Variants in MED15 observed in about 807,000 individuals in gnomAD.
MED15 encodes mediator complex subunit 15.
Under a neutral mutation model 118.7 loss-of-function variants are expected in MED15, and 41 were observed. The ratio of observed to expected loss-of-function variants is 0.35; its 90% CI spans 0.27 to 0.45. The LOEUF is 0.45. Among genes scored for constraint, MED15 ranks in the 20% least tolerant of loss-of-function variants. The pLI is 1.00. For missense variants in MED15, 740 were observed against 1,025.5 expected, an observed-to-expected ratio of 0.72 and a Z score of 3.80; for synonymous variants, 436 against 413.9, an observed-to-expected ratio of 1.05 and a Z score of -0.65.
intron 1 of MED15, among the ~76,000 whole-genome samples, chr22:20,533,636 G>A (rs1469264829): frequency 6.6e-6 from 1 of 152,150 alleles, no homozygotes; most frequent in East Asian, 1.9e-4. Context: ...AGCTCATGTG[G>A]AACTGGACAT....
chr22:20,564,674 C>G lies in MED15; in HGVS notation c.676C>G (p.Gln226Glu). Reference sequence around the variant, plus strand: ...GCAGCATCTAATTAAATTGCATCATCAAAATCAGCAACAGGTACCAGGTCC... The same window carrying G: ...GCAGCATCTAATTAAATTGCATCATGAAAATCAGCAACAGGTACCAGGTCC... ...QQQHLIKLHHQNQQQIQQQQQ... is the reference protein window; with the variant it reads ...QQQHLIKLHHENQQQIQQQQQ... Residue 226 changes from glutamine (Q) to glutamate (E), a missense_variant, in exon 6 of 18, where the codon CAA becomes GAA. Coordinates refer to ENST00000263205, the MANE Select transcript of MED15 (RefSeq NM_001003891.3). The G allele has an allele frequency of 1.9e-6, 3 of 1,614,260 alleles. No individual in the cohort carries two copies. Among genetic ancestry groups the G allele is most frequent in the Non-Finnish European group, 2.5e-6 (3 of 1,180,054 alleles).
chr22:20,537,461 C>T (rs759567225), intron 2 of MED15, among the ~76,000 whole-genome samples: 2 of 152,216 alleles, frequency 1.3e-5, no homozygotes, highest in Non-Finnish European at 2.9e-5. Context: ...CTGTGGTCAG[C>T]CCCTGTGAAT....
chr22:20,561,735 C>G (rs1403078266), intron 5 of MED15, among the ~76,000 whole-genome samples: 2 of 152,100 alleles, frequency 1.3e-5, no homozygotes, highest in Non-Finnish European at 2.9e-5. Flanking sequence ...TGAAGAAAGG[C>G]CAAGTGCAGT....
chr22:20,569,415 A>T (rs964457367), intron 8 of MED15, among the ~76,000 whole-genome samples: 1 of 151,978 alleles, frequency 6.6e-6, no homozygotes, highest in Non-Finnish European at 1.5e-5. Context: ...GTGCTAGTTG[A>T]TGTGGTAAGA....
chr22:20,567,436 C>G (rs116892353), intron 7 of MED15, among the ~76,000 whole-genome samples: 5,508 of 152,186 alleles, frequency 0.036, 159 homozygotes, highest in South Asian at 0.092. Context: ...TCTTTGGCTC[C>G]CTTGGTTTTT....
chr22:20,534,997 G>C (rs985208414), intron 1 of MED15, among the ~76,000 whole-genome samples: 1 of 152,082 alleles, frequency 6.6e-6, no homozygotes, highest in Admixed American at 6.5e-5. Context: ...TCATTCTGTC[G>C]CCCAGGCTGG....
intron 9 of MED15, among the ~76,000 whole-genome samples, chr22:20,581,429 C>T (rs765035935): frequency 1.7e-4 from 26 of 152,104 alleles, no homozygotes; most frequent in African/African-American, 5.1e-4. Context: ...TGGTGTGAGC[C>T]GTGGCCCGAG....
chr22:20,584,245 A>G, intron 13 of MED15, 114 bp from the exon 14 acceptor site: 1 of 990,812 alleles, frequency 1.0e-6, no homozygotes, highest in Non-Finnish European at 1.6e-6. Context: ...GTCAACTGGT[A>G]GGAGCTCCTG....
intron 1 of MED15, among the ~76,000 whole-genome samples, chr22:20,531,512 CTGCT>C (rs1339723621): frequency 4.6e-5 from 7 of 152,328 alleles, no homozygotes; most frequent in East Asian, 1.9e-4. Context: ...CCTCCCCTGT[CTGCT>C]TCCTGCCAGG....
chr22:20,551,181 C>T, intron 2 of MED15: 1 of 647,416 alleles, frequency 1.5e-6, no homozygotes, highest in Non-Finnish European at 2.9e-6. Context: ...AGTGCCTTTC[C>T]ATCAGGGGAG....
At chr22:20,576,518 A>G (rs1483044179) in intron 9 of MED15, among the ~76,000 whole-genome samples, 1 of 152,288 alleles carries the variant, frequency 6.6e-6, no homozygotes, top group East Asian at 1.9e-4. Flanking sequence ...CCTTCCCTGC[A>G]TACTAACCCC....
intron 8 of MED15, among the ~76,000 whole-genome samples, chr22:20,569,693 G>A (rs1206981201): frequency 6.6e-6 from 1 of 152,154 alleles, no homozygotes; most frequent in Non-Finnish European, 1.5e-5. Flanking sequence ...CCTTGGCAGG[G>A]CACCAAATGA....
chr22:20,566,229 G>A (rs762104405), intron 6 of MED15, among the ~76,000 whole-genome samples: 25 of 151,838 alleles, frequency 1.6e-4, no homozygotes, highest in Non-Finnish European at 2.9e-4. Flanking sequence ...TAGTAGAGAC[G>A]GGGTTTCGCC....
intron 1 of MED15, chr22:20,508,438 G>A (rs959046330): frequency 1.5e-6 from 2 of 1,298,054 alleles, no homozygotes; most frequent in African/African-American, 3.0e-5. Context: ...CACCAAACAG[G>A]CTTTGTGTGA....
chr22:20,531,286 G>A (rs1220443875), intron 1 of MED15, among the ~76,000 whole-genome samples: 1 of 152,232 alleles, frequency 6.6e-6, no homozygotes, highest in Non-Finnish European at 1.5e-5. Context: ...ATAGGAAGGA[G>A]GTGAGGAACA....
At chr22:20,529,177 A>G (rs1338512492) in intron 1 of MED15, among the ~76,000 whole-genome samples, 1 of 152,090 alleles carries the variant, frequency 6.6e-6, no homozygotes, top group Non-Finnish European at 1.5e-5. Flanking sequence ...GGTTTTAGTC[A>G]GGTTTTAAGA....
chr22:20,538,353 G>A (rs931773463), intron 2 of MED15, among the ~76,000 whole-genome samples: 1 of 151,976 alleles, frequency 6.6e-6, no homozygotes, highest in African/African-American at 2.4e-5. Flanking sequence ...GGGCTTAGGC[G>A]ATCCTCCTTT....
At position 20,519,140 on chromosome 22, in the gene MED15, A is replaced by G. The variant is rs925455684; in HGVS notation, c.68+11394A>G. 9.3e-6 allele frequency: 3 copies of G among 322,228 alleles called. No individual in the cohort carries two copies. The East Asian group carries it at 3.0e-4, about 33-fold the overall frequency. The allele number at this position is 322,228 out of a possible 1,614,324, so 20.0% of individuals were successfully genotyped here. On this transcript the variant is annotated intron_variant, in intron 1 of 17. Coordinates refer to ENST00000263205, the MANE Select transcript of MED15 (RefSeq NM_001003891.3). ...AGTGCTGGGATTACAGGTGTGAGCC[A>G]CTGTGCCTGGCCCTGAGACATTTAT...
intron 6 of MED15, among the ~76,000 whole-genome samples, chr22:20,565,206 A>G (rs949602319): frequency 1.3e-5 from 2 of 152,254 alleles, no homozygotes; most frequent in African/African-American, 4.8e-5. Flanking sequence ...AGGTTCTGTG[A>G]TCGAGCCCTT....
Sources: gnomAD v4.1 joint callset for allele counts (sites outside exome capture counted in the v4.1 genomes callset) on GRCh38, gnomAD v4.1.1 for gene constraint, MANE v1.5 for transcripts, NCBI Gene and HGNC (gene_info 2026-07-23, HGNC 2026-07-21) for gene names.